The following GLYAT variants were observed in gnomAD, a reference collection of about 807,000 sequenced individuals.
GLYAT encodes glycine N-acyltransferase.
In GLYAT, 25 loss-of-function variants were observed where a neutral mutation model predicts 22.8. That is an observed-to-expected ratio of 1.09 (90% CI 0.80 to 1.53). The LOEUF (loss-of-function observed/expected upper bound fraction) is 1.53. GLYAT is among the 40% of genes most tolerant of loss of function. The pLI, the probability that GLYAT is intolerant of heterozygous loss-of-function variation, is 0.00. For missense variants in GLYAT, 411 were observed against 353.9 expected, an observed-to-expected ratio of 1.16 and a Z score of -1.29; for synonymous variants, 140 against 122.7, an observed-to-expected ratio of 1.14 and a Z score of -0.93.
chr11:58,728,583 C>G (rs1856833797), intron 1 of GLYAT: 1 of 151,884 alleles, frequency 6.6e-6, no homozygotes, highest in Non-Finnish European at 1.5e-5. Context: ...TGTTGAACAT[C>G]AGGATATGCA....
Position 58,710,369 on chromosome 11 carries a change from C to A in GLYAT, c.489-201G>T, listed in dbSNP as rs989093502. On this transcript the variant is annotated intron_variant, in intron 5 of 5. Transcript: ENST00000344743. The stretch of plus-strand genomic sequence containing the variant: ...AGAAAGCAGGAAGGGCAATAAAGGT[C>A]CAAGTGGTAGCCAGAGGCCTGGTTT... 150 of 900,546 alleles carry A rather than the reference C, an allele frequency of 1.7e-4. 2 individuals carry two copies. The Middle Eastern group carries it at 2.1e-3, about 12-fold the overall frequency. 55.8% of individuals were successfully genotyped at this position (900,546 alleles called of 1,614,324 possible).
Position 58,709,860 on chromosome 11 carries a change from T to C in GLYAT, c.797A>G (p.Asp266Gly). The C allele has an allele frequency of 6.2e-7, 1 of 1,614,102 alleles. No individual in the cohort carries two copies. The highest frequency in any genetic ancestry group is 1.7e-5 in the Admixed American group (1 of 60,012). The change falls in exon 6 of 6, where the codon GAC (aspartate) becomes GGC (glycine). Residue 266 changes from aspartate to glycine, a missense_variant. Coordinates refer to ENST00000344743, the MANE Select transcript of GLYAT (RefSeq NM_201648.3). ...KLGFPVYSHV[D>G]YSNEAMQKMS... ...TTTTTGCATAGCTTCATTGCTGTAG[T>C]CTACATGAGAATAGACAGGAAACCC...
chr11:58,715,464 A>G (rs1048552762), intron 2 of GLYAT, 41 bp from the exon 3 acceptor site: 3 of 874,788 alleles, frequency 3.4e-6, no homozygotes, highest in African/African-American at 3.4e-5. Flanking sequence ...GTTTATTTGA[A>G]AAAAACAGTA....
intron 1 of GLYAT, among the ~76,000 whole-genome samples, chr11:58,725,764 T>G (rs1856805434): frequency 6.6e-6 from 1 of 152,130 alleles, no homozygotes; most frequent in Non-Finnish European, 1.5e-5. Flanking sequence ...GTTGGACCTT[T>G]TGACTGAGTT....
chr11:58,723,241 C>T (rs1217320443), intron 2 of GLYAT, among the ~76,000 whole-genome samples: 1 of 151,844 alleles, frequency 6.6e-6, no homozygotes, highest in Admixed American at 6.6e-5. Context: ...AACTAATATG[C>T]CTTCCAAAAA....
At position 58,726,340 on chromosome 11, in the gene GLYAT, G is replaced by A. The variant is rs188796547; in HGVS notation, c.-15-1829C>T. 3.2e-3 allele frequency among the ~76,000 whole-genome samples: 486 copies of A among 152,272 alleles called. 1 individual carries two copies. Among genetic ancestry groups the A allele is most frequent in the African/African-American group, 0.011 (462 of 41,574 alleles). On this transcript the variant is annotated intron_variant, in intron 1 of 5. Coordinates refer to ENST00000344743, the MANE Select transcript of GLYAT (RefSeq NM_201648.3). ...TCTATAACTGCTTCCTGCTGACAGA[G>A]GGGTAGTAGTGGTTGTTCTGTGGAT...
intron 2 of GLYAT, among the ~76,000 whole-genome samples, chr11:58,716,645 ATT>A (rs1856684330): frequency 1.3e-5 from 2 of 152,014 alleles, no homozygotes; most frequent in Non-Finnish European, 2.9e-5. Context: ...ATTTTTTCTC[ATT>A]GTTGTGGCCT....
intron 2 of GLYAT, 60 bp from the exon 3 acceptor site, chr11:58,715,483 T>C: frequency 2.6e-6 from 2 of 773,676 alleles, no homozygotes; most frequent in Non-Finnish European, 4.5e-6. Context: ...TAAAGTTTCT[T>C]GCTTGATTAG....
At chr11:58,720,519 G>A (rs112652044) in intron 2 of GLYAT, among the ~76,000 whole-genome samples, 58 of 152,042 alleles carry the variant, frequency 3.8e-4, no homozygotes, top group African/African-American at 1.3e-3. Context: ...TTCATTCCTG[G>A]ACGTAGGCCT....
At position 58,710,042 on chromosome 11, in the gene GLYAT, G is replaced by T; in HGVS notation, c.615C>A (p.Pro205=). The T allele has an allele frequency of 6.2e-7, 1 of 1,614,098 alleles. No homozygotes were observed. Among genetic ancestry groups the T allele is most frequent in the Non-Finnish European group, 8.5e-7 (1 of 1,179,964 alleles). The change falls in exon 6 of 6, where the codon CCC becomes CCA. Residue 205 remains proline (P), a synonymous_variant. Coordinates refer to ENST00000344743, the MANE Select transcript of GLYAT (RefSeq NM_201648.3). The part of the protein sequence containing the change: ...RFIERCIQTF[P]TCCLLGPEGT... ...CCTCAGGCCCCAGGAGACAGCAGGT[G>T]GGAAAGGTCTGAATGCAGCGCTCAA...
intron 2 of GLYAT, among the ~76,000 whole-genome samples, chr11:58,723,117 T>G (rs904801573): frequency 7.9e-5 from 12 of 152,030 alleles, no homozygotes; most frequent in Admixed American, 2.6e-4. Flanking sequence ...AGGAGAAATT[T>G]GAAGCACAAA....
Position 58,712,992 on chromosome 11 carries a change from T to C in GLYAT, c.190-106A>G, listed in dbSNP as rs1367001117. 1.2e-5 allele frequency: 8 copies of C among 692,252 alleles called. No individual in the cohort carries two copies. In the Admixed American group the frequency reaches 2.3e-4, roughly 20 times the overall value. The allele number at this position is 692,252 out of a possible 1,614,324, so 42.9% of individuals were successfully genotyped here. ...AGTAATAAAATATTGGTAGTTTTAT[T>C]GGTGTATCACAATTATTTCTTTTTT... is the stretch of plus-strand genomic sequence containing the variant. On this transcript the variant is annotated intron_variant, in intron 3 of 5. Coordinates refer to ENST00000344743, the MANE Select transcript of GLYAT (RefSeq NM_201648.3).
chr11:58,714,432 T>C (rs1856653969), intron 3 of GLYAT, among the ~76,000 whole-genome samples: 2 of 152,328 alleles, frequency 1.3e-5, no homozygotes, highest in Middle Eastern at 3.4e-3. Context: ...TTGAAATGTG[T>C]TAATTGTTTA....
At chr11:58,717,783 C>T (rs1447151203) in intron 2 of GLYAT, among the ~76,000 whole-genome samples, 1 of 151,984 alleles carries the variant, frequency 6.6e-6, no homozygotes, top group African/African-American at 2.4e-5. Context: ...CTTTATTATA[C>T]TTGGCCTAAT....
intron 4 of GLYAT, among the ~76,000 whole-genome samples, chr11:58,711,204 C>T (rs1856612827): frequency 6.6e-6 from 1 of 152,180 alleles, no homozygotes; most frequent in African/African-American, 2.4e-5. Context: ...TTACTTGCCC[C>T]TTCCTTTGTT....
At chr11:58,720,535 A>C (rs1413077437) in intron 2 of GLYAT, among the ~76,000 whole-genome samples, 2 of 151,960 alleles carry the variant, frequency 1.3e-5, no homozygotes, top group Non-Finnish European at 2.9e-5. Context: ...GGCCTAACTA[A>C]CTTTGGGAGG....
intron 2 of GLYAT, among the ~76,000 whole-genome samples, 180 bp from the exon 3 acceptor site, chr11:58,715,603 G>T (rs1253118827): frequency 6.6e-6 from 1 of 152,080 alleles, no homozygotes; most frequent in Non-Finnish European, 1.5e-5. Context: ...TACACAGAGG[G>T]CAGACAACCA....
intron 1 of GLYAT, among the ~76,000 whole-genome samples, chr11:58,725,721 G>A (rs140438883): frequency 5.3e-5 from 8 of 152,230 alleles, no homozygotes; most frequent in Middle Eastern, 3.4e-3. Context: ...TTGGAAGGGG[G>A]CCAAGTGGGC....
intron 4 of GLYAT, among the ~76,000 whole-genome samples, chr11:58,711,734 T>G (rs965717220): frequency 6.6e-6 from 1 of 152,204 alleles, no homozygotes; most frequent in African/African-American, 2.4e-5. Flanking sequence ...ACATATCTCC[T>G]GGAATCCATT....
Sources: gnomAD v4.1 joint callset for allele counts (sites outside exome capture counted in the v4.1 genomes callset) on GRCh38, gnomAD v4.1.1 for gene constraint, MANE v1.5 for transcripts, NCBI Gene and HGNC (gene_info 2026-07-23, HGNC 2026-07-21) for gene names.